ZNF717: variants seen among roughly 807,000 people sequenced by gnomAD.
The protein encoded by ZNF717 is zinc finger protein 717.
ZNF717 carries 9 observed loss-of-function variants against 13.8 expected under a neutral mutation model. The observed-to-expected ratio is 0.65, with a 90% CI of 0.39 to 1.14. ZNF717 has a LOEUF of 1.14. Among genes scored for constraint, ZNF717 ranks in the 50% most tolerant of loss-of-function variants. The probability of loss-of-function intolerance (pLI) is 0.01; values close to 1 mark genes in which losing one functional copy is unlikely to be tolerated. For missense variants in ZNF717, 1,040 were observed against 1,080.7 expected (o/e 0.96, Z 0.53); for synonymous variants, 327 against 364.1 (o/e 0.90, Z 1.16).
intron 6 of ZNF717, among the ~76,000 whole-genome samples, chr3:75,701,265 G>A (rs920181396): frequency 6.2e-3 from 920 of 148,986 alleles, no homozygotes; most frequent in Middle Eastern, 0.014. Flanking sequence ...ACATGCTCTC[G>A]TCTGGTGTCA....
chr3:75,698,338 G>A (rs1361084597), intron 6 of ZNF717, among the ~76,000 whole-genome samples: 1 of 152,310 alleles, frequency 6.6e-6, no homozygotes, highest in African/African-American at 2.4e-5. Context: ...AGTGTTGATA[G>A]CCAAGACAAT....
At chr3:75,766,116 TAAAC>T (rs1344780688) in intron 2 of ZNF717, among the ~76,000 whole-genome samples, 2 of 132,766 alleles carry the variant, frequency 1.5e-5, no homozygotes, top group Non-Finnish European at 3.3e-5. Context: ...TAAAAAAAAA[TAAAC>T]AAACAAATAG....
intron 2 of ZNF717, among the ~76,000 whole-genome samples, chr3:75,743,319 G>T (rs965530279): frequency 6.6e-6 from 1 of 152,152 alleles, no homozygotes; most frequent in Non-Finnish European, 1.5e-5. Flanking sequence ...GCTCTTCACA[G>T]AGACAATCAT....
downstream of ZNF717, among the ~76,000 whole-genome samples, chr3:75,733,825 G>A (rs1327179603): frequency 8.0e-6 from 1 of 124,490 alleles, no homozygotes. Context: ...TCAGAACCAT[G>A]AAAGTAAAAA....
At chr3:75,774,898 C>T (rs536560754) in intron 2 of ZNF717, among the ~76,000 whole-genome samples, 10 of 152,224 alleles carry the variant, frequency 6.6e-5, no homozygotes, top group South Asian at 6.2e-4. Flanking sequence ...GGATTACAGG[C>T]GTGAGCCACT....
At chr3:75,784,068 T>G (rs1945001797) in intron 1 of ZNF717, among the ~76,000 whole-genome samples, 2 of 152,196 alleles carry the variant, frequency 1.3e-5, no homozygotes, top group African/African-American at 2.4e-5. Flanking sequence ...ACAGTCATAT[T>G]GTGAGGAGGT....
chr3:75,777,679 A>G (rs1944436154), intron 2 of ZNF717, among the ~76,000 whole-genome samples: 5 of 151,708 alleles, frequency 3.3e-5, no homozygotes, highest in Admixed American at 3.3e-4. Context: ...AATGGGAGTG[A>G]CTTGCAAAAA....
intron 2 of ZNF717, among the ~76,000 whole-genome samples, chr3:75,775,868 A>G (rs200047821): frequency 0.1 from 6,069 of 60,556 alleles, no homozygotes; most frequent in Non-Finnish European, 0.16. Flanking sequence ...AAAAAAAAAA[A>G]AATTCCCAAA....
intron 4 of ZNF717, among the ~76,000 whole-genome samples, chr3:75,717,558 A>G (rs1479542287): frequency 6.6e-6 from 1 of 152,202 alleles, no homozygotes; most frequent in African/African-American, 2.4e-5. Flanking sequence ...ATACAATGTG[A>G]CAGCTTTGAA....
At chr3:75,772,670 GC>G (rs1575956152) in intron 2 of ZNF717, among the ~76,000 whole-genome samples, 19 of 130,654 alleles carry the variant, frequency 1.5e-4, no homozygotes, top group South Asian at 2.5e-4. Context: ...TCCCATGCTC[GC>G]TTGCTCACAC....
chr3:75,739,406 GT>G (rs2107139097), intron 4 of ZNF717, 61 bp from the exon 5 acceptor site: 1 of 1,322,388 alleles, frequency 7.6e-7, no homozygotes, highest in African/African-American at 1.7e-5. Flanking sequence ...GAATGCTTGT[GT>G]AAAGGTAAAA....
intron 6 of ZNF717, among the ~76,000 whole-genome samples, chr3:75,699,705 T>C (rs1002192416): frequency 6.6e-6 from 1 of 152,304 alleles, no homozygotes; most frequent in South Asian, 2.1e-4. Flanking sequence ...ATTTTCTTTA[T>C]AAATTAACCA....
At chr3:75,774,965 A>G (rs1195521402) in intron 2 of ZNF717, among the ~76,000 whole-genome samples, 3 of 144,800 alleles carry the variant, frequency 2.1e-5, no homozygotes, top group Admixed American at 1.4e-4. Flanking sequence ...TATCATAATT[A>G]CCTGTTTTGT....
chr3:75,719,253 C>G (rs1190312889), intron 4 of ZNF717, among the ~76,000 whole-genome samples: 2 of 149,336 alleles, frequency 1.3e-5, no homozygotes, highest in Non-Finnish European at 3.0e-5. Context: ...TGTGATTGCA[C>G]CAGCCTGGGT....
At chr3:75,739,852 G>C (rs1243698084) in intron 4 of ZNF717, among the ~76,000 whole-genome samples, 1 of 152,172 alleles carries the variant, frequency 6.6e-6, no homozygotes, top group South Asian at 2.1e-4. Flanking sequence ...TTGCCTATAT[G>C]TTAACCTTTC....
chr3:75,768,778 T>C (rs1346639441), intron 2 of ZNF717, among the ~76,000 whole-genome samples: 2 of 144,806 alleles, frequency 1.4e-5, no homozygotes, highest in East Asian at 4.2e-4. Context: ...GCTGAGTGTG[T>C]GGGGGGACAG....
At chr3:75,773,527 G>C (rs999659111) in intron 2 of ZNF717, among the ~76,000 whole-genome samples, 9 of 152,204 alleles carry the variant, frequency 5.9e-5, no homozygotes, top group Admixed American at 3.3e-4. Context: ...AGTCTTACCA[G>C]TTTGATACTG....
chr3:75,749,268 A>G (rs1370218995), intron 2 of ZNF717, among the ~76,000 whole-genome samples: 3 of 151,932 alleles, frequency 2.0e-5, no homozygotes, highest in African/African-American at 7.3e-5. Context: ...TCCCTCACTT[A>G]GGATTACAGA....
chr3:75,750,262 T>G (rs1473948106), intron 2 of ZNF717, among the ~76,000 whole-genome samples: 1 of 151,696 alleles, frequency 6.6e-6, no homozygotes, highest in East Asian at 1.9e-4. Flanking sequence ...TCTGAGTTTC[T>G]GTCACTCACA....
Sources: allele counts gnomAD v4.1 joint callset (sites outside exome capture counted in the v4.1 genomes callset), GRCh38; gene constraint gnomAD v4.1.1; transcripts MANE v1.5; gene names NCBI Gene and HGNC (gene_info 2026-07-23, HGNC 2026-07-21).